Variants in USP9Y observed in about 807,000 individuals in gnomAD.
USP9Y encodes the protein ubiquitin specific peptidase 9 Y-linked.
In USP9Y, 41 loss-of-function variants were observed where a neutral mutation model predicts 53.1. The observed-to-expected ratio is 0.77, with a 90% CI of 0.60 to 1.00. The LOEUF is 1.00. Among genes scored for constraint, USP9Y ranks in the 50% least tolerant of loss-of-function variants. The probability of loss-of-function intolerance (pLI) is 0.00; values close to 1 mark genes in which losing one functional copy is unlikely to be tolerated. For synonymous variants in USP9Y, 220 were observed against 173.7 expected, an observed-to-expected ratio of 1.27 and a Z score of -2.09; for missense variants, 567 against 535.8, an observed-to-expected ratio of 1.06 and a Z score of -0.58.
chrY:12,780,341 A>G (rs2053497633), intron 22 of USP9Y, among the ~76,000 whole-genome samples: 1 of 32,824 alleles, frequency 3.0e-5, no homozygotes, highest in Non-Finnish European at 7.5e-5. Context: ...GGAGCATTTC[A>G]TCTTCCTGCT....
At chrY:12,853,166 C>T in intron 42 of USP9Y, among the ~76,000 whole-genome samples, 1 of 34,111 alleles carries the variant, frequency 2.9e-5, no homozygotes, top group African/African-American at 1.1e-4. Context: ...GGCAGCAGAC[C>T]TTGCTGAGCT....
chrY:12,785,326 G>T (rs1056236923), intron 22 of USP9Y, among the ~76,000 whole-genome samples: 5 of 33,043 alleles, frequency 1.5e-4, no homozygotes, highest in Non-Finnish European at 3.0e-4. Flanking sequence ...TTAGCATGTG[G>T]CAGAATTGTT....
At chrY:12,819,173 A>G (rs2053538806) in intron 33 of USP9Y, among the ~76,000 whole-genome samples, 1 of 33,932 alleles carries the variant, frequency 2.9e-5, no homozygotes, top group African/African-American at 1.1e-4. Flanking sequence ...GAGGAAACTC[A>G]ATCTTAATAA....
chrY:12,758,737 G>T, intron 14 of USP9Y, 95 bp downstream of exon 14: 1 of 171,771 alleles, frequency 5.8e-6, no homozygotes, highest in Non-Finnish European at 1.0e-5. Flanking sequence ...GAAAACCATG[G>T]TGGGAAAACA....
At chrY:12,790,680 A>G in intron 25 of USP9Y, 148 bp downstream of exon 25, 1 of 151,739 alleles carries the variant, frequency 6.6e-6, no homozygotes, top group East Asian at 1.3e-4. Flanking sequence ...TCATAAAGTT[A>G]TGTTTGACCT....
At chrY:12,778,355 A>G in intron 20 of USP9Y, 96 bp downstream of exon 20, 3 of 256,993 alleles carry the variant, frequency 1.2e-5, no homozygotes, top group Non-Finnish European at 1.7e-5. Context: ...TATTTAGTAA[A>G]TGTCTGTTGG....
intron 34 of USP9Y, 118 bp downstream of exon 34, chrY:12,833,979 A>G (rs2053553030): frequency 9.8e-6 from 2 of 203,631 alleles, no homozygotes; most frequent in African/African-American, 1.7e-4. Context: ...AGGACTATGA[A>G]TGAATTAAAT....
In USP9Y at chrY:12,825,541, T is replaced by C. The variant is rs763965339; in HGVS notation, c.5021+6931T>C. ...AAGGAACCAGACCTGCCTGGAAAGT[T>C]GGTGTGTTCCCAGGCAGGAGCAGAC... On this transcript the variant is annotated intron_variant, in intron 33 of 45. Transcript: ENST00000338981. Among the ~76,000 whole-genome samples the C allele has an allele frequency of 5.8e-4, 19 of 32,603 alleles. No homozygotes were observed. The South Asian group carries it at 0.013, about 23-fold the overall frequency. 87.5% of individuals were successfully genotyped at this position (32,603 alleles called of 37,273 possible).
At position 12,778,116 on chromosome Y, in the gene USP9Y, A is replaced by G. The variant is rs756842272; in HGVS notation, c.2737A>G (p.Ile913Val). The change falls in exon 20 of 46, where the codon ATT (isoleucine) becomes GTT (valine). Residue 913 changes from isoleucine (I) to valine (V), a missense_variant. Physicochemically the swap from Ile to Val is conservative, Grantham distance 29. Coordinates refer to ENST00000338981, the MANE Select transcript of USP9Y (RefSeq NM_004654.4). ...LDIWSHTNDT[I>V]GSVRRCIVNR... Reference sequence around the variant, plus strand: ...TATATGGTCTCATACGAATGACACAATTGGTTCAGTACGGCGATGTATTGT... The same window carrying G: ...TATATGGTCTCATACGAATGACACAGTTGGTTCAGTACGGCGATGTATTGT... 14 of 398,192 alleles carry G rather than the reference A, an allele frequency of 3.5e-5. No homozygotes were observed. Among genetic ancestry groups the G allele is most frequent in the South Asian group, 1.2e-4 (4 of 33,734 alleles).
At chrY:12,770,349 G>A (rs2053484649) in intron 15 of USP9Y, among the ~76,000 whole-genome samples, 1 of 32,241 alleles carries the variant, frequency 3.1e-5, no homozygotes, top group South Asian at 7.2e-4. Flanking sequence ...GACAAAGGTT[G>A]CAGTGAGTCA....
intron 19 of USP9Y, among the ~76,000 whole-genome samples, chrY:12,777,070 AAGGTATTTC>A (rs2053493221): frequency 3.0e-5 from 1 of 33,044 alleles, no homozygotes; most frequent in Non-Finnish European, 7.5e-5. Flanking sequence ...ATATTTTGGT[AAGGTATTTC>A]ACTCCTTAGT....
intron 33 of USP9Y, among the ~76,000 whole-genome samples, chrY:12,833,238 C>T: frequency 6.1e-5 from 2 of 32,965 alleles, no homozygotes; most frequent in African/African-American, 2.4e-4. Flanking sequence ...TACTCTAGAA[C>T]GGGGAAACCT....
intron 33 of USP9Y, among the ~76,000 whole-genome samples, chrY:12,825,223 C>G (rs2053545033): frequency 3.0e-5 from 1 of 32,849 alleles, no homozygotes; most frequent in Non-Finnish European, 7.4e-5. Context: ...AGCTGAGCCA[C>G]CATGCGTCTT....
chrY:12,715,392 C>T, intron 3 of USP9Y, among the ~76,000 whole-genome samples: 2 of 28,593 alleles, frequency 7.0e-5, no homozygotes, highest in African/African-American at 1.4e-4. Context: ...GATGTCGGCT[C>T]ACTGCAACCA....
intron 25 of USP9Y, 68 bp from the exon 26 acceptor site, chrY:12,791,431 T>C: frequency 1.2e-5 from 4 of 340,905 alleles, no homozygotes; most frequent in Non-Finnish European, 1.7e-5. Flanking sequence ...AAGAGAAATA[T>C]TTTGTTTTCC....
intron 27 of USP9Y, among the ~76,000 whole-genome samples, chrY:12,799,900 T>C (rs2053517182): frequency 3.0e-5 from 1 of 33,587 alleles, no homozygotes; most frequent in African/African-American, 1.2e-4. Flanking sequence ...TTGAGTCCCC[T>C]CCCGTTGTAT....
intron 5 of USP9Y, among the ~76,000 whole-genome samples, chrY:12,724,589 C>A: frequency 3.0e-5 from 1 of 33,533 alleles, no homozygotes; most frequent in Non-Finnish European, 7.4e-5. Context: ...ACAGAAAACA[C>A]TTGTAAGTTT....
chrY:12,795,589 G>A, intron 27 of USP9Y, among the ~76,000 whole-genome samples: 1 of 33,238 alleles, frequency 3.0e-5, no homozygotes, highest in African/African-American at 1.2e-4. Context: ...CCAAAAGCAC[G>A]GCTACTCCAT....
chrY:12,715,278 T>TA (rs2053429518), intron 3 of USP9Y, among the ~76,000 whole-genome samples: 12 of 28,340 alleles, frequency 4.2e-4, no homozygotes, highest in East Asian at 8.8e-4. Flanking sequence ...AGGGAAAGGT[T>TA]AAAAAAAAAA....
Sources: gnomAD v4.1 joint callset for allele counts (sites outside exome capture counted in the v4.1 genomes callset) on GRCh38, gnomAD v4.1.1 for gene constraint, MANE v1.5 for transcripts, NCBI Gene and HGNC (gene_info 2026-07-23, HGNC 2026-07-21) for gene names.